ANTXR1: variants seen among roughly 807,000 people sequenced by gnomAD.
ANTXR1 encodes the protein anthrax toxin receptor 1.
In ANTXR1, 19 loss-of-function variants were observed where a neutral mutation model predicts 78.1. The observed-to-expected ratio is 0.24, with a 90% confidence interval of 0.17 to 0.36. The LOEUF is 0.36. Ranked by LOEUF, ANTXR1 falls within the 10% of genes least tolerant of loss-of-function variation. ANTXR1 has a pLI of 1.00. For missense variants in ANTXR1, 518 were observed against 718.6 expected (o/e 0.72, Z 3.19); for synonymous variants, 273 against 260.5 (o/e 1.05, Z -0.46).
chr2:69,114,672 C>T lies in ANTXR1; in HGVS notation c.803-8345C>T, dbSNP rs143657634. Among the ~76,000 whole-genome samples the T allele has an allele frequency of 8.1e-3, 1,226 of 152,246 alleles. 22 individuals carry two copies. The highest frequency in any genetic ancestry group is 0.027 in the African/African-American group (1,121 of 41,530). Reference sequence around the variant, plus strand: ...CATCCATGTCATGTCAGAGCCTTGGCGGCAATATAAGGCCCATTGCTGGAG... The same window carrying T: ...CATCCATGTCATGTCAGAGCCTTGGTGGCAATATAAGGCCCATTGCTGGAG... On this transcript the variant is annotated intron_variant, in intron 10 of 17. Coordinates refer to ENST00000303714, the MANE Select transcript of ANTXR1 (RefSeq NM_032208.3).
At chr2:69,033,216 T>A (rs951663668) in intron 1 of ANTXR1, among the ~76,000 whole-genome samples, 1 of 152,056 alleles carries the variant, frequency 6.6e-6, no homozygotes, top group African/African-American at 2.4e-5. Flanking sequence ...TAGGTTTGGG[T>A]CTGTATTGAT....
At chr2:69,134,226 C>A (rs1197188559) in intron 12 of ANTXR1, among the ~76,000 whole-genome samples, 1 of 152,168 alleles carries the variant, frequency 6.6e-6, no homozygotes, top group African/African-American at 2.4e-5. Flanking sequence ...AGAAATACTA[C>A]CAAATACGGT....
At chr2:69,070,588 C>T in intron 3 of ANTXR1, 59 bp from the exon 4 acceptor site, 3 of 1,517,828 alleles carry the variant, frequency 2.0e-6, no homozygotes, top group Non-Finnish European at 2.7e-6. Context: ...GTACTTATGA[C>T]TACAACAGCA....
intron 1 of ANTXR1, among the ~76,000 whole-genome samples, chr2:69,015,288 A>G (rs1670991482): frequency 6.7e-6 from 1 of 149,740 alleles, no homozygotes; most frequent in Non-Finnish European, 1.5e-5. Context: ...AAAAAAAAAC[A>G]GGTAAAAAGA....
chr2:69,017,636 T>C (rs77474459), intron 1 of ANTXR1, among the ~76,000 whole-genome samples: 11,613 of 152,244 alleles, frequency 0.076, 770 homozygotes, highest in East Asian at 0.23. Context: ...ATTAGTGGCT[T>C]TGGCGACTGG....
At chr2:69,106,852 C>T (rs572850948) in intron 10 of ANTXR1, among the ~76,000 whole-genome samples, 4 of 152,180 alleles carry the variant, frequency 2.6e-5, no homozygotes, top group Non-Finnish European at 5.9e-5. Context: ...ATGAAACAAA[C>T]AGAACAAACA....
intron 17 of ANTXR1, among the ~76,000 whole-genome samples, chr2:69,243,341 T>C (rs529279552): frequency 1.3e-5 from 2 of 152,294 alleles, no homozygotes; most frequent in African/African-American, 2.4e-5. Flanking sequence ...TCCAGAAGTT[T>C]CTTGTCTGGC....
chr2:69,056,131 G>T (rs1670059585), intron 3 of ANTXR1, among the ~76,000 whole-genome samples: 1 of 152,198 alleles, frequency 6.6e-6, no homozygotes, highest in South Asian at 2.1e-4. Flanking sequence ...TCTGTTGTCT[G>T]GATGGAGACA....
chr2:69,048,045 C>T lies in ANTXR1; in HGVS notation c.296+3232C>T, dbSNP rs62135628. Among the ~76,000 whole-genome samples, 948 of 152,140 alleles carry T rather than the reference C, an allele frequency of 6.2e-3. 3 individuals carry two copies. The highest frequency in any genetic ancestry group is 0.011 in the Non-Finnish European group (748 of 67,978). On this transcript the variant is annotated intron_variant, in intron 3 of 17. Transcript: ENST00000303714. Reference sequence around the variant, plus strand: ...CACTTCCTTAGTATAATAGAGTATACAATGTCAATTTAAGTACTGTTAGAA... The same window carrying T: ...CACTTCCTTAGTATAATAGAGTATATAATGTCAATTTAAGTACTGTTAGAA...
chr2:69,146,260 T>C, intron 12 of ANTXR1: 3 of 985,460 alleles, frequency 3.0e-6, no homozygotes, highest in South Asian at 4.7e-5. Flanking sequence ...GGCTGCCTGC[T>C]TGACCACAGA....
intron 9 of ANTXR1, among the ~76,000 whole-genome samples, chr2:69,092,740 A>C (rs1671280522): frequency 6.6e-6 from 1 of 152,204 alleles, no homozygotes; most frequent in Non-Finnish European, 1.5e-5. Flanking sequence ...AGGGCTTCAT[A>C]AGGGGCCTGT....
At chr2:69,096,459 GGAAA>G (rs1305560853) in intron 9 of ANTXR1, among the ~76,000 whole-genome samples, 1 of 144,618 alleles carries the variant, frequency 6.9e-6, no homozygotes, top group Non-Finnish European at 1.5e-5. Flanking sequence ...CACTCCATCA[GGAAA>G]GAAAGAAAGA....
intron 14 of ANTXR1, chr2:69,172,690 A>T: frequency 2.3e-6 from 1 of 434,430 alleles, no homozygotes. Flanking sequence ...AGATAACTTT[A>T]TAATAAGCTC....
chr2:69,039,777 T>C (rs2104069171), intron 1 of ANTXR1, among the ~76,000 whole-genome samples: 1 of 152,250 alleles, frequency 6.6e-6, no homozygotes, highest in East Asian at 1.9e-4. Flanking sequence ...GCGTTTGTTG[T>C]TGCTGTTGTT....
intron 10 of ANTXR1, among the ~76,000 whole-genome samples, chr2:69,113,512 T>C (rs1240052736): frequency 2.6e-5 from 4 of 152,154 alleles, no homozygotes; most frequent in Non-Finnish European, 5.9e-5. Flanking sequence ...CCCCATGCCA[T>C]TCAGCTCTGG....
intron 17 of ANTXR1, among the ~76,000 whole-genome samples, chr2:69,215,572 A>G (rs1675154729): frequency 6.6e-6 from 1 of 152,254 alleles, no homozygotes; most frequent in African/African-American, 2.4e-5. Flanking sequence ...CACTCAGTGA[A>G]TAATTATTGA....
At position 69,013,217 on chromosome 2, in the gene ANTXR1, G is replaced by C. The variant is rs892333782; in HGVS notation, c.-283G>C. 26 of 545,822 alleles carry C rather than the reference G, an allele frequency of 4.8e-5. No individual in the cohort carries two copies. The highest frequency in any genetic ancestry group is 8.1e-5 in the Non-Finnish European group (25 of 309,086). 33.8% of individuals were successfully genotyped at this position (545,822 alleles called of 1,614,324 possible). ...CATTGCAAAAGCTCGGCGCGGCCTC[G>C]GGAGCTGCCCGGCGGCCCCGGACCG... On this transcript the variant is annotated 5_prime_UTR_variant, in exon 1 of 18. Transcript: ENST00000303714. This position sits in a 1 kb window ranked among gnomAD's most constrained non-coding sequence, Gnocchi z 5.0.
At chr2:69,104,499 G>A (rs1208176614) in intron 10 of ANTXR1, among the ~76,000 whole-genome samples, 2 of 152,188 alleles carry the variant, frequency 1.3e-5, no homozygotes, top group African/African-American at 4.8e-5. Context: ...AAATATCCCT[G>A]AGTAGTCACA....
rs201850545 is a variant in ANTXR1 at position 69,181,826 on chromosome 2, C to T, written c.1130C>T (p.Thr377Met). 38 of 1,614,056 alleles carry T rather than the reference C, an allele frequency of 2.4e-5. No individual in the cohort carries two copies. The highest frequency in any genetic ancestry group is 1.6e-4 in the Middle Eastern group (1 of 6,062). Residue 377 changes from threonine (T) to methionine (M), a missense_variant, in exon 15 of 18, where the codon ACG (threonine) becomes ATG (methionine). Physicochemically the swap from Thr to Met is moderately conservative, Grantham distance 81 (BLOSUM62 -1). Transcript: ENST00000303714. ...GGTCTGCCTAAGAAAAAGTGGCCAA[C>T]GGTAGACGCCTCTTATTATGGTGGG... is the stretch of plus-strand genomic sequence containing the variant. ...DDGLPKKKWP[T>M]VDASYYGGRG...
Sources: allele counts gnomAD v4.1 joint callset (sites outside exome capture counted in the v4.1 genomes callset), GRCh38; gene constraint gnomAD v4.1.1; non-coding constraint Gnocchi (gnomAD v3.1); transcripts MANE v1.5; gene names NCBI Gene and HGNC (gene_info 2026-07-23, HGNC 2026-07-21).